UGT2B11: variants seen among roughly 807,000 people sequenced by gnomAD.
The protein encoded by UGT2B11 is UDP glucuronosyltransferase family 2 member B11, also known as UDP-glucuronosyltransferase 2B11.
UGT2B11 carries 49 observed loss-of-function variants against 51.7 expected under a neutral mutation model. That is an observed-to-expected ratio of 0.95 (90% CI 0.75 to 1.20). UGT2B11 has a LOEUF of 1.20. UGT2B11 is among the 50% of genes most tolerant of loss of function. The pLI is 0.00. For synonymous variants in UGT2B11, 273 were observed against 209.0 expected, an observed-to-expected ratio of 1.31 and a Z score of -2.64; for missense variants, 810 against 622.1, an observed-to-expected ratio of 1.30 and a Z score of -3.21.
chr4:69,207,980 G>A (rs1721920267), intron 3 of UGT2B11, among the ~76,000 whole-genome samples: 1 of 151,484 alleles, frequency 6.6e-6, no homozygotes, highest in Non-Finnish European at 1.5e-5. Flanking sequence ...GACTACATTA[G>A]GCACCATTTT....
intron 4 of UGT2B11, 21 bp from the exon 5 acceptor site, chr4:69,204,670 G>C: frequency 6.2e-7 from 1 of 1,610,564 alleles, no homozygotes; most frequent in South Asian, 1.1e-5. Flanking sequence ...ATGAATTTTA[G>C]CAAAATTATT....
rs1158117104 is a variant in UGT2B11 at position 69,208,371 on chromosome 4, G to C, written c.982C>G (p.Leu328Val). ...AERANVIATA[L>V]AKIPQKVLWR... The stretch of plus-strand genomic sequence containing the variant: ...CTTACCTTTTGTGGGATCTTGGCAA[G>C]GGCTGTTGCAATTACATTGGCCCTT... The change falls in exon 3 of 6, where the codon CTT (leucine) becomes GTT (valine). Residue 328 changes from leucine to valine, a missense_variant. Physicochemically the swap from Leu to Val is conservative, Grantham distance 32. Transcript: ENST00000446444. The C allele has an allele frequency of 3.7e-6, 6 of 1,610,996 alleles. No homozygotes were observed. Among genetic ancestry groups the C allele is most frequent in the Non-Finnish European group, 8.5e-7 (1 of 1,178,068 alleles).
In UGT2B11 at chr4:69,200,393, A is replaced by C; in HGVS notation, c.*47T>G. 1 of 1,527,202 alleles carries C rather than the reference A, an allele frequency of 6.5e-7. No individual in the cohort carries two copies. Among genetic ancestry groups the C allele is most frequent in the Non-Finnish European group, 8.8e-7 (1 of 1,134,350 alleles). 94.6% of individuals were successfully genotyped at this position (1,527,202 alleles called of 1,614,324 possible). ...TTTTCTTTCTTGCTGGAATAAACTGAAGTTGTCCTATCTATCTGGTTTTCC... is the reference window on the plus strand; with the variant it reads ...TTTTCTTTCTTGCTGGAATAAACTGCAGTTGTCCTATCTATCTGGTTTTCC... On this transcript the variant is annotated 3_prime_UTR_variant, in exon 6 of 6. Transcript: ENST00000446444.
intron 5 of UGT2B11, among the ~76,000 whole-genome samples, chr4:69,204,136 C>T (rs894947376): frequency 2.0e-4 from 29 of 145,634 alleles, no homozygotes; most frequent in South Asian, 1.3e-3. Flanking sequence ...TTCTTCCTTT[C>T]TTCTATGGAT....
the UGT2B11 span, among the ~76,000 whole-genome samples, chr4:69,221,952 G>A: frequency 5.9e-5 from 9 of 152,266 alleles, no homozygotes; most frequent in Non-Finnish European, 8.8e-5. Flanking sequence ...GTGAGGGGGT[G>A]GTTTGTTTTT....
At chr4:69,208,527 C>T in intron 2 of UGT2B11, 45 bp from the exon 3 acceptor site, 1 of 1,593,966 alleles carries the variant, frequency 6.3e-7, no homozygotes, top group Non-Finnish European at 8.5e-7. Context: ...ATCACCACAG[C>T]AGGCACTACT....
At position 69,200,368 on chromosome 4, in the gene UGT2B11, T is replaced by A; in HGVS notation, c.*72A>T. On this transcript the variant is annotated 3_prime_UTR_variant, in exon 6 of 6. Transcript: ENST00000446444. ...AAGAAAGAAATCTTGCATAACAATCTTTTCTTTCTTGCTGGAATAAACTGA... is the reference window on the plus strand; with the variant it reads ...AAGAAAGAAATCTTGCATAACAATCATTTCTTTCTTGCTGGAATAAACTGA... The A allele has an allele frequency of 7.6e-7, 1 of 1,315,238 alleles. No individual in the cohort carries two copies. Among genetic ancestry groups the A allele is most frequent in the East Asian group, 2.8e-5 (1 of 35,748 alleles). The allele number at this position is 1,315,238 out of a possible 1,614,324, so 81.5% of individuals were successfully genotyped here.
At chr4:69,202,103 C>T (rs1359992537) in intron 5 of UGT2B11, among the ~76,000 whole-genome samples, 2 of 151,728 alleles carry the variant, frequency 1.3e-5, no homozygotes, top group African/African-American at 4.8e-5. Context: ...TTTAATGTAG[C>T]AGTTCTTGGG....
At chr4:69,210,159 G>A (rs1169692443) in intron 2 of UGT2B11, among the ~76,000 whole-genome samples, 8 of 151,456 alleles carry the variant, frequency 5.3e-5, no homozygotes, top group African/African-American at 1.5e-4. Flanking sequence ...GGCTGATGGT[G>A]TAATTGAACA....
chr4:69,219,147 G>T (rs1368244171), upstream of UGT2B11, among the ~76,000 whole-genome samples: 7 of 151,540 alleles, frequency 4.6e-5, no homozygotes, highest in Non-Finnish European at 7.4e-5. Flanking sequence ...AAATTATGTT[G>T]GTATGAAAAA....
At position 69,213,781 on chromosome 4, in the gene UGT2B11, C is replaced by T. The variant is rs192906455; in HGVS notation, c.721+221G>A. 1.4e-3 allele frequency among the ~76,000 whole-genome samples: 218 copies of T among 151,806 alleles called. 2 individuals carry two copies. The highest frequency in any genetic ancestry group is 4.9e-3 in the African/African-American group (204 of 41,470). On this transcript the variant is annotated intron_variant, in intron 1 of 5. Coordinates refer to ENST00000446444, the MANE Select transcript of UGT2B11 (RefSeq NM_001073.3). ...GTACTAATATATAGGTTTATGATTTCCTGGGGTGTTCTGTTTGAGTGATGG... is the reference window on the plus strand; with the variant it reads ...GTACTAATATATAGGTTTATGATTTTCTGGGGTGTTCTGTTTGAGTGATGG...
chr4:69,216,458 G>A (rs1722276884), upstream of UGT2B11: 1 of 151,720 alleles, frequency 6.6e-6, no homozygotes, highest in African/African-American at 2.4e-5. Context: ...CAATGAGGAT[G>A]GAAGCTGAAG....
upstream of UGT2B11, chr4:69,215,291 T>C (rs1254194953): frequency 6.6e-6 from 1 of 152,340 alleles, no homozygotes; most frequent in South Asian, 2.1e-4. Context: ...AATTTCTGCA[T>C]CCACCCTGCA....
Position 69,214,228 on chromosome 4 carries a change from G to C in UGT2B11, c.495C>G (p.Asn165Lys), listed in dbSNP as rs778308713. 6.2e-7 allele frequency: 1 copy of C among 1,613,252 alleles called. No homozygotes were observed. Among genetic ancestry groups the C allele is most frequent in the African/African-American group, 1.3e-5 (1 of 74,952 alleles). Residue 165 changes from asparagine (N) to lysine (K), a missense_variant, in exon 1 of 6, where the codon AAC (asparagine) becomes AAG (lysine). Coordinates refer to ENST00000446444, the MANE Select transcript of UGT2B11 (RefSeq NM_001073.3). ...AGCGGAGACTGTACACAAACCGTAT[G>C]TTAAGTAGCGCAGCCAGCAGCTCAC... ...PCGELLAALLNIRFVYSLRFT... is the reference protein window; with the variant it reads ...PCGELLAALLKIRFVYSLRFT...
At chr4:69,202,124 A>G (rs1029209640) in intron 5 of UGT2B11, among the ~76,000 whole-genome samples, 2 of 151,766 alleles carry the variant, frequency 1.3e-5, no homozygotes, top group African/African-American at 4.8e-5. Flanking sequence ...TAATTCCATT[A>G]CTATGTAGCA....
upstream of UGT2B11, among the ~76,000 whole-genome samples, chr4:69,217,383 G>T (rs1722300421): frequency 6.6e-6 from 1 of 152,084 alleles, no homozygotes. Context: ...AAGGATGTTG[G>T]AACACAGTTT....
intron 5 of UGT2B11, among the ~76,000 whole-genome samples, chr4:69,203,245 A>G (rs2109940326): frequency 6.6e-6 from 1 of 151,882 alleles, no homozygotes; most frequent in South Asian, 2.1e-4. Flanking sequence ...AATGGTCAAC[A>G]ATCACATATA....
At chr4:69,205,342 CT>C in intron 4 of UGT2B11, 137 bp downstream of exon 4, 1 of 1,146,272 alleles carries the variant, frequency 8.7e-7, no homozygotes, top group Non-Finnish European at 1.2e-6. Flanking sequence ...CTACCATATT[CT>C]TTTCCCCTAG....
At chr4:69,223,490 T>C in the UGT2B11 span, among the ~76,000 whole-genome samples, 19 of 152,274 alleles carry the variant, frequency 1.2e-4, no homozygotes, top group African/African-American at 4.6e-4. Context: ...CACTGACCAC[T>C]AAATGGAGCA....
Sources: allele counts gnomAD v4.1 joint callset (sites outside exome capture counted in the v4.1 genomes callset), GRCh38; gene constraint gnomAD v4.1.1; transcripts MANE v1.5; gene names NCBI Gene and HGNC (gene_info 2026-07-23, HGNC 2026-07-21).